RAB5A: variants seen among roughly 807,000 people sequenced by gnomAD.
The protein encoded by RAB5A is RAB5A, member RAS oncogene family.
RAB5A carries 8 observed loss-of-function variants against 25.7 expected under a neutral mutation model. That is an observed-to-expected ratio of 0.31 (90% CI 0.18 to 0.56). RAB5A has a LOEUF of 0.56. RAB5A is among the 20% of genes least tolerant of loss of function. The probability of loss-of-function intolerance (pLI) is 0.91; values close to 1 mark genes in which losing one functional copy is unlikely to be tolerated. For synonymous variants in RAB5A, 98 were observed against 89.8 expected (o/e 1.09, Z -0.52); for missense variants, 192 against 259.7 (o/e 0.74, Z 1.79).
At chr3:19,952,494 A>T (rs1248593969) in intron 2 of RAB5A, among the ~76,000 whole-genome samples, 1 of 152,230 alleles carries the variant, frequency 6.6e-6, no homozygotes. Flanking sequence ...AAAACTTTAT[A>T]CTGTGCATTT....
intron 1 of RAB5A, among the ~76,000 whole-genome samples, chr3:19,948,052 G>T (rs1696355307): frequency 6.6e-6 from 1 of 152,024 alleles, no homozygotes; most frequent in Non-Finnish European, 1.5e-5. Flanking sequence ...TGGGTGGGAG[G>T]CTCGTCAAAA....
At chr3:19,975,473 A>G (rs1696811045) in intron 2 of RAB5A, 128 bp from the exon 3 acceptor site, 1 of 817,900 alleles carries the variant, frequency 1.2e-6, no homozygotes, top group Non-Finnish European at 1.8e-6. Context: ...TTTAACTGAC[A>G]CATAATAGTT....
chr3:19,970,614 G>C (rs1312371591), intron 2 of RAB5A: 1 of 456,694 alleles, frequency 2.2e-6, no homozygotes, highest in Admixed American at 2.3e-5. Flanking sequence ...CCAACTGCTA[G>C]TGCTGGTGAT....
At chr3:19,958,806 A>G (rs955333674) in intron 2 of RAB5A, among the ~76,000 whole-genome samples, 5 of 152,070 alleles carry the variant, frequency 3.3e-5, no homozygotes, top group Admixed American at 6.6e-5. Context: ...CTGCACTTCA[A>G]CCTGGGTGAC....
chr3:19,960,897 T>G (rs1696575312), intron 2 of RAB5A, among the ~76,000 whole-genome samples: 1 of 152,148 alleles, frequency 6.6e-6, no homozygotes, highest in Non-Finnish European at 1.5e-5. Flanking sequence ...AAAGAAGAAG[T>G]GGGTAATCTT....
chr3:19,968,088 C>A (rs1017571812), intron 2 of RAB5A, among the ~76,000 whole-genome samples: 5 of 152,184 alleles, frequency 3.3e-5, no homozygotes, highest in Non-Finnish European at 5.9e-5. Flanking sequence ...CTGATTCTAA[C>A]AATCTCTAAC....
intron 5 of RAB5A, among the ~76,000 whole-genome samples, chr3:19,981,207 G>A (rs1294692507): frequency 1.3e-5 from 2 of 152,204 alleles, no homozygotes; most frequent in African/African-American, 4.8e-5. Context: ...CAACTTTACA[G>A]TGGTTTGACT....
At chr3:19,964,079 C>T (rs899228158) in intron 2 of RAB5A, among the ~76,000 whole-genome samples, 4 of 152,126 alleles carry the variant, frequency 2.6e-5, no homozygotes, top group African/African-American at 9.7e-5. Context: ...GGTTCTTGAA[C>T]CAGGAGAAAA....
At chr3:19,968,163 C>G (rs975114588) in intron 2 of RAB5A, among the ~76,000 whole-genome samples, 1 of 152,056 alleles carries the variant, frequency 6.6e-6, no homozygotes, top group Admixed American at 6.5e-5. Flanking sequence ...CCCTTTCTCC[C>G]CTCTCTAGTC....
intron 2 of RAB5A, among the ~76,000 whole-genome samples, chr3:19,953,282 A>C (rs906513248): frequency 6.6e-6 from 1 of 152,128 alleles, no homozygotes; most frequent in African/African-American, 2.4e-5. Flanking sequence ...ATCTCTATAT[A>C]ATCTCCATGT....
intron 1 of RAB5A, 66 bp downstream of exon 1, chr3:19,947,587 C>G (rs1353242670): frequency 6.6e-6 from 1 of 152,556 alleles, no homozygotes; most frequent in Non-Finnish European, 1.5e-5. Context: ...CGGTCCCCAG[C>G]CTGTCCGCGG....
intron 4 of RAB5A, among the ~76,000 whole-genome samples, chr3:19,977,299 C>G (rs961532147): frequency 6.6e-6 from 1 of 152,126 alleles, no homozygotes; most frequent in Non-Finnish European, 1.5e-5. Context: ...TGGTCTCGAT[C>G]TCCTGACCTT....
chr3:19,959,614 G>GT (rs1173594339), intron 2 of RAB5A, among the ~76,000 whole-genome samples: 1 of 141,618 alleles, frequency 7.1e-6, no homozygotes, highest in Non-Finnish European at 1.5e-5. Flanking sequence ...TAGCTTTCTG[G>GT]TTGTGTTCTG....
intron 2 of RAB5A, among the ~76,000 whole-genome samples, chr3:19,953,216 A>G (rs1696449555): frequency 6.6e-6 from 1 of 152,168 alleles, no homozygotes; most frequent in Non-Finnish European, 1.5e-5. Flanking sequence ...GGATGTTTAA[A>G]AGAAAAATGT....
rs183451556 is a variant in RAB5A, at chr3:19,951,783, A to G, written c.163+722A>G. 2.2e-3 allele frequency among the ~76,000 whole-genome samples: 324 copies of G among 146,836 alleles called. 1 individual carries two copies. Among genetic ancestry groups the G allele is most frequent in the Middle Eastern group, 0.022 (6 of 276 alleles). On this transcript the variant is annotated intron_variant, in intron 2 of 5. Coordinates refer to ENST00000273047, the MANE Select transcript of RAB5A (RefSeq NM_004162.5). ...AACTCCTGGCCTCAAGTGAGCCTCC[A>G]GCCTCAACCTCCCAGGTAGCTGTGA...
chr3:19,972,568 TG>T (rs1451569851), intron 2 of RAB5A, among the ~76,000 whole-genome samples: 1 of 152,230 alleles, frequency 6.6e-6, no homozygotes, highest in Non-Finnish European at 1.5e-5. Context: ...CCCTTGGTTT[TG>T]TTCCTAGATT....
At chr3:19,969,031 G>GTTTTTTTTT (rs1162365486) in intron 2 of RAB5A, among the ~76,000 whole-genome samples, 12 of 99,692 alleles carry the variant, frequency 1.2e-4, no homozygotes, top group Non-Finnish European at 1.7e-4. Context: ...TTTGGTTTTG[G>GTTTTTTTTT]TTTTTTTTTT....
chr3:19,969,376 G>C (rs1035385079), intron 2 of RAB5A, among the ~76,000 whole-genome samples: 1 of 152,100 alleles, frequency 6.6e-6, no homozygotes, highest in African/African-American at 2.4e-5. Context: ...TAATTTAGGA[G>C]ATAAAAATTG....
chr3:19,965,340 T>TGAGGCCAG (rs1002421205), intron 2 of RAB5A, among the ~76,000 whole-genome samples: 4 of 151,770 alleles, frequency 2.6e-5, no homozygotes, highest in African/African-American at 9.7e-5. Context: ...GAGGATTGCT[T>TGAGGCCAG]GAGGCCAGGA....
Sources: allele counts gnomAD v4.1 joint callset (sites outside exome capture counted in the v4.1 genomes callset), GRCh38; gene constraint gnomAD v4.1.1; transcripts MANE v1.5; gene names NCBI Gene and HGNC (gene_info 2026-07-23, HGNC 2026-07-21).